Variants in KHDRBS2 observed in about 807,000 individuals in gnomAD.
KHDRBS2 encodes KH domain-containing, RNA-binding, signal transduction-associated protein 2.
KHDRBS2 carries 26 observed loss-of-function variants against 44.3 expected under a neutral mutation model. The observed-to-expected ratio is 0.59, with a 90% CI of 0.43 to 0.81. The LOEUF is 0.81. KHDRBS2 is among the 40% of genes least tolerant of loss of function. The probability of loss-of-function intolerance (pLI) is 0.00; values close to 1 mark genes in which losing one functional copy is unlikely to be tolerated. For missense variants in KHDRBS2, 476 were observed against 433.1 expected (o/e 1.10, Z -0.88); for synonymous variants, 194 against 151.1 (o/e 1.28, Z -2.08).
At chr6:62,092,621 C>T (rs1401904671) in intron 2 of KHDRBS2, among the ~76,000 whole-genome samples, 2 of 152,116 alleles carry the variant, frequency 1.3e-5, no homozygotes, top group Non-Finnish European at 2.9e-5. Flanking sequence ...AACTCTGCCT[C>T]TTCTATTACA....
intron 6 of KHDRBS2, among the ~76,000 whole-genome samples, chr6:61,779,662 G>C (rs1192270994): frequency 1.2e-5 from 1 of 86,590 alleles, no homozygotes; most frequent in Non-Finnish European, 2.2e-5. Flanking sequence ...TGGCACTGCA[G>C]AAATGACGTG....
At chr6:61,812,327 C>G (rs567136090) in intron 6 of KHDRBS2, among the ~76,000 whole-genome samples, 1 of 152,088 alleles carries the variant, frequency 6.6e-6, no homozygotes, top group South Asian at 2.1e-4. Flanking sequence ...CTTCCTAGTA[C>G]TGTGAAGAGT....
chr6:61,564,278 G>A, the KHDRBS2 span, among the ~76,000 whole-genome samples: 51 of 152,196 alleles, frequency 3.4e-4, no homozygotes, highest in African/African-American at 1.2e-3. Context: ...TATAAAGGTA[G>A]TAGAAGGTAA....
chr6:61,802,404 A>G (rs981334400), intron 6 of KHDRBS2, among the ~76,000 whole-genome samples: 2 of 152,172 alleles, frequency 1.3e-5, no homozygotes, highest in Non-Finnish European at 2.9e-5. Context: ...TTAAATAAGG[A>G]AAGTGAATCT....
chr6:61,637,105 C>T, the KHDRBS2 span, among the ~76,000 whole-genome samples: 6 of 151,926 alleles, frequency 3.9e-5, no homozygotes. Context: ...CATACGTATA[C>T]ATGTGCCATG....
In KHDRBS2 at chr6:61,798,101, T is replaced by C. The variant is rs573360950; in HGVS notation, c.811-65337A>G. On this transcript the variant is annotated intron_variant, in intron 6 of 8. Coordinates refer to ENST00000281156, the MANE Select transcript of KHDRBS2 (RefSeq NM_152688.4). ...ATTCTTGTTGTTTAGCACTCACTTA[T>C]AACTGAGAACACGTGCTATTTGGTT... Among the ~76,000 whole-genome samples, 6 of 152,260 alleles carry C rather than the reference T, an allele frequency of 3.9e-5. No homozygotes were observed. In the East Asian group the frequency reaches 9.6e-4, roughly 24 times the overall value.
At chr6:62,189,363 T>C (rs1407099436) in intron 1 of KHDRBS2, among the ~76,000 whole-genome samples, 1 of 151,872 alleles carries the variant, frequency 6.6e-6, no homozygotes, top group Admixed American at 6.6e-5. Context: ...TTATTATTAT[T>C]ATACTTTCAC....
At chr6:62,163,177 T>A (rs149703879) in intron 2 of KHDRBS2, among the ~76,000 whole-genome samples, 134 of 152,060 alleles carry the variant, frequency 8.8e-4, no homozygotes, top group African/African-American at 3.0e-3. Context: ...TACAAGCAGT[T>A]TTGCAACAGG....
At chr6:61,793,908 T>C (rs1784969257) in intron 6 of KHDRBS2, among the ~76,000 whole-genome samples, 1 of 152,122 alleles carries the variant, frequency 6.6e-6, no homozygotes, top group Non-Finnish European at 1.5e-5. Context: ...GTTAATGCCA[T>C]ATATTATGAT....
intron 2 of KHDRBS2, among the ~76,000 whole-genome samples, chr6:62,062,956 G>A (rs1208874933): frequency 6.0e-5 from 9 of 150,618 alleles, no homozygotes; most frequent in Admixed American, 2.0e-4. Context: ...TATCACCACC[G>A]ATCCCACAGA....
At chr6:62,277,041 G>A (rs1841045488) in intron 1 of KHDRBS2, among the ~76,000 whole-genome samples, 1 of 152,116 alleles carries the variant, frequency 6.6e-6, no homozygotes, top group Admixed American at 6.6e-5. Context: ...CTGGCAAAGA[G>A]TAAACTCAAT....
the KHDRBS2 span, among the ~76,000 whole-genome samples, chr6:61,640,706 T>C: frequency 6.6e-6 from 1 of 152,170 alleles, no homozygotes; most frequent in African/African-American, 2.4e-5. Flanking sequence ...ACAGAGCACT[T>C]CTTTTTCTTT....
At chr6:61,572,121 A>T in the KHDRBS2 span, among the ~76,000 whole-genome samples, 1 of 152,134 alleles carries the variant, frequency 6.6e-6, no homozygotes, top group Non-Finnish European at 1.5e-5. Context: ...CTCAGTTAGA[A>T]ATGAAATGGG....
At chr6:61,617,505 A>G in the KHDRBS2 span, among the ~76,000 whole-genome samples, 1 of 152,180 alleles carries the variant, frequency 6.6e-6, no homozygotes, top group South Asian at 2.1e-4. Flanking sequence ...TAACATTCTA[A>G]TATCTTGTAA....
intron 7 of KHDRBS2, among the ~76,000 whole-genome samples, chr6:61,708,497 G>A (rs547429966): frequency 2.6e-5 from 4 of 151,384 alleles, no homozygotes; most frequent in African/African-American, 9.7e-5. Flanking sequence ...TATTTCTAAA[G>A]TATCTTTGAA....
At position 61,954,937 on chromosome 6, in the gene KHDRBS2, T is replaced by C. The variant is rs1335830061; in HGVS notation, c.483+23129A>G. 1.0e-4 allele frequency among the ~76,000 whole-genome samples: 9 copies of C among 86,026 alleles called. No homozygotes were observed. In the East Asian group the frequency reaches 1.7e-3, roughly 16 times the overall value. The allele number at this position is 86,026 out of a possible 152,430, so 56.4% of individuals were successfully genotyped here. A position where few individuals can be genotyped will look rare whatever the true frequency, so the allele number is the denominator to read the frequency against. ...ACATATATATGTATACACATACATATGTATGTGTATACATATATATGTATA... is the reference window on the plus strand; with the variant it reads ...ACATATATATGTATACACATACATACGTATGTGTATACATATATATGTATA... On this transcript the variant is annotated intron_variant, in intron 4 of 8. Coordinates refer to ENST00000281156, the MANE Select transcript of KHDRBS2 (RefSeq NM_152688.4).
chr6:61,615,130 G>C, the KHDRBS2 span, among the ~76,000 whole-genome samples: 1 of 148,756 alleles, frequency 6.7e-6, no homozygotes, highest in Admixed American at 6.9e-5. Context: ...CTACTCGGGA[G>C]GCTGAGGCAG....
intron 1 of KHDRBS2, among the ~76,000 whole-genome samples, chr6:62,235,007 C>A (rs1833475629): frequency 6.7e-6 from 1 of 148,158 alleles, no homozygotes. Flanking sequence ...TAAAAATTCC[C>A]AAAACTTATT....
At chr6:62,106,430 C>A (rs1464883856) in intron 2 of KHDRBS2, among the ~76,000 whole-genome samples, 1 of 152,058 alleles carries the variant, frequency 6.6e-6, no homozygotes, top group East Asian at 1.9e-4. Flanking sequence ...CTTTGTAGGT[C>A]ACTCAGGACT....
Sources: gnomAD v4.1 joint callset for allele counts (sites outside exome capture counted in the v4.1 genomes callset) on GRCh38, gnomAD v4.1.1 for gene constraint, MANE v1.5 for transcripts, NCBI Gene and HGNC (gene_info 2026-07-23, HGNC 2026-07-21) for gene names.